Variants in KCNIP3 observed in about 807,000 individuals in gnomAD.
KCNIP3 encodes the protein potassium voltage-gated channel interacting protein 3.
In KCNIP3, 28 loss-of-function variants were observed where a neutral mutation model predicts 35.0. The ratio of observed to expected loss-of-function variants is 0.80; its 90% CI spans 0.59 to 1.10. The LOEUF (loss-of-function observed/expected upper bound fraction) is 1.10. KCNIP3 is among the 50% of genes least tolerant of loss of function. The pLI, the probability that KCNIP3 is intolerant of heterozygous loss-of-function variation, is 0.00. For synonymous variants in KCNIP3, 134 were observed against 133.8 expected (o/e 1.00, Z -0.01); for missense variants, 295 against 338.4 (o/e 0.87, Z 1.01).
chr2:95,339,362 T>C (rs1679137325), intron 2 of KCNIP3, among the ~76,000 whole-genome samples: 1 of 151,958 alleles, frequency 6.6e-6, no homozygotes, highest in Admixed American at 6.6e-5. Flanking sequence ...GGCAGATCAC[T>C]TGAGATCAGG....
intron 2 of KCNIP3, among the ~76,000 whole-genome samples, chr2:95,360,335 A>C (rs1055603319): frequency 6.6e-6 from 1 of 152,246 alleles, no homozygotes; most frequent in African/African-American, 2.4e-5. Context: ...CTGAGACCTC[A>C]TCACCATCCA....
chr2:95,339,271 A>C (rs1236876814), intron 2 of KCNIP3, among the ~76,000 whole-genome samples: 1 of 152,094 alleles, frequency 6.6e-6, no homozygotes, highest in Admixed American at 6.5e-5. Context: ...GACTGATCTG[A>C]TCATCATGCT....
At chr2:95,307,082 A>C in intron 1 of KCNIP3, among the ~76,000 whole-genome samples, 2 of 149,474 alleles carry the variant, frequency 1.3e-5, no homozygotes, top group East Asian at 2.0e-4. Flanking sequence ...CTCAGAACCC[A>C]CCCCCTGCCT....
intron 1 of KCNIP3, 94 bp downstream of exon 1, chr2:95,297,547 C>A: frequency 9.9e-7 from 1 of 1,007,978 alleles, no homozygotes. Flanking sequence ...AAGCCTTTTT[C>A]TTTGACCCTT....
intron 2 of KCNIP3, among the ~76,000 whole-genome samples, chr2:95,369,081 G>T (rs181061117): frequency 6.6e-6 from 1 of 152,114 alleles, no homozygotes; most frequent in South Asian, 2.1e-4. Flanking sequence ...GTTTTTTACC[G>T]TTAAGAATGA....
At chr2:95,375,296 A>G (rs1680156927) in intron 5 of KCNIP3, 88 bp downstream of exon 5, 1 of 1,225,092 alleles carries the variant, frequency 8.2e-7, no homozygotes, top group African/African-American at 1.5e-5. Flanking sequence ...AGGGCTGTCG[A>G]GAGAGCCATG....
rs140192704 is a variant in KCNIP3 at position 95,344,503 on chromosome 2, G to A, written c.182-29793G>A. On this transcript the variant is annotated intron_variant, in intron 2 of 8. Coordinates refer to ENST00000295225, the MANE Select transcript of KCNIP3 (RefSeq NM_013434.5). ...CTTAGGCGTTGTTAATATTTTACAC[G>A]GCACAGCCAGAGGATCGATGTCTTG... 2.0e-3 allele frequency among the ~76,000 whole-genome samples: 299 copies of A among 152,340 alleles called. 10 individuals are homozygous for A. In the East Asian group the frequency reaches 0.056, roughly 28 times the overall value.
chr2:95,352,640 G>A (rs1042631210), intron 2 of KCNIP3, among the ~76,000 whole-genome samples: 3 of 152,018 alleles, frequency 2.0e-5, no homozygotes, highest in African/African-American at 7.2e-5. Flanking sequence ...TTTGCCAGTG[G>A]CCTGTAAACT....
At chr2:95,364,878 A>C (rs1032349908) in intron 2 of KCNIP3, among the ~76,000 whole-genome samples, 1 of 152,100 alleles carries the variant, frequency 6.6e-6, no homozygotes, top group African/African-American at 2.4e-5. Context: ...TGAGCCCAGG[A>C]GTTTGAGACC....
At chr2:95,330,550 C>T (rs144778603) in intron 2 of KCNIP3, among the ~76,000 whole-genome samples, 6 of 152,324 alleles carry the variant, frequency 3.9e-5, no homozygotes, top group Admixed American at 1.3e-4. Flanking sequence ...CCGTCCGTAC[C>T]CCCCAGGGCA....
chr2:95,301,869 T>A (rs1378925530), intron 1 of KCNIP3, among the ~76,000 whole-genome samples: 1 of 152,098 alleles, frequency 6.6e-6, no homozygotes, highest in Non-Finnish European at 1.5e-5. Flanking sequence ...TGTGTGTGTG[T>A]GTGTGTGCGC....
chr2:95,384,169 T>TACACACACACACACACACACAC lies in KCNIP3; in HGVS notation c.*136_*157dup. 1 of 512,456 alleles carries TACACACACACACACACACACAC rather than the reference T, an allele frequency of 2.0e-6. No individual in the cohort carries two copies. Among genetic ancestry groups the TACACACACACACACACACACAC allele is most frequent in the Non-Finnish European group, 3.6e-6 (1 of 279,026 alleles). 31.7% of individuals were successfully genotyped at this position (512,456 alleles called of 1,614,324 possible). ...GATTTGCAAAAAGTGAACAGATTGC[T>TACACACACACACACACACACAC]ACACACACACACACACACACACACA... On this transcript the variant is annotated 3_prime_UTR_variant, in exon 9 of 9. Transcript: ENST00000295225.
chr2:95,337,706 T>C (rs775656379), intron 2 of KCNIP3, among the ~76,000 whole-genome samples: 256 of 152,374 alleles, frequency 1.7e-3, no homozygotes, highest in Non-Finnish European at 2.6e-3. Context: ...CTAAGTTACT[T>C]GCCCAAGGTC....
chr2:95,357,813 G>A (rs1679693263), intron 2 of KCNIP3, among the ~76,000 whole-genome samples: 2 of 152,210 alleles, frequency 1.3e-5, no homozygotes, highest in Non-Finnish European at 2.9e-5. Flanking sequence ...ACCCCAGCCT[G>A]GTGCCCTGCC....
At chr2:95,315,852 C>T (rs773093307) in intron 2 of KCNIP3, among the ~76,000 whole-genome samples, 3 of 152,222 alleles carry the variant, frequency 2.0e-5, no homozygotes, top group South Asian at 2.1e-4. Context: ...AGCCTCCCTG[C>T]GCCCTCCAGA....
intron 2 of KCNIP3, among the ~76,000 whole-genome samples, chr2:95,323,629 G>A (rs1289345547): frequency 1.3e-5 from 2 of 152,144 alleles, no homozygotes; most frequent in African/African-American, 2.4e-5. Context: ...GCTCCACCGC[G>A]TTTTCTGTTC....
At position 95,337,992 on chromosome 2, in the gene KCNIP3, C is replaced by A. The variant is rs537081278; in HGVS notation, c.181+27472C>A. On this transcript the variant is annotated intron_variant, in intron 2 of 8. Coordinates refer to ENST00000295225, the MANE Select transcript of KCNIP3 (RefSeq NM_013434.5). Reference sequence around the variant, plus strand: ...GTGGTGGGGGAAGCAGGAGAACAAACAGTGAATGTTTCTCAGTCAGGTATT... The same window carrying A: ...GTGGTGGGGGAAGCAGGAGAACAAAAAGTGAATGTTTCTCAGTCAGGTATT... Among the ~76,000 whole-genome samples the A allele has an allele frequency of 3.9e-5, 6 of 152,320 alleles. No homozygotes were observed. In the South Asian group the frequency reaches 1.2e-3, roughly 32 times the overall value.
chr2:95,374,044 AG>A (rs1680104924), intron 2 of KCNIP3, among the ~76,000 whole-genome samples: 3 of 150,652 alleles, frequency 2.0e-5, no homozygotes, highest in Non-Finnish European at 3.0e-5. Flanking sequence ...TGCGGCTGAC[AG>A]GGGGGCACAC....
intron 2 of KCNIP3, among the ~76,000 whole-genome samples, chr2:95,353,378 A>T (rs536864390): frequency 2.6e-5 from 4 of 152,308 alleles, no homozygotes; most frequent in African/African-American, 7.2e-5. Context: ...TTCTGGGATC[A>T]GATCGGATTC....
Sources: gnomAD v4.1 joint callset for allele counts (sites outside exome capture counted in the v4.1 genomes callset) on GRCh38, gnomAD v4.1.1 for gene constraint, MANE v1.5 for transcripts, NCBI Gene and HGNC (gene_info 2026-07-23, HGNC 2026-07-21) for gene names.